ZNF234: variants seen among roughly 807,000 people sequenced by gnomAD.
The protein encoded by ZNF234 is zinc finger protein 234.
Under a neutral mutation model 10.3 loss-of-function variants are expected in ZNF234, and 4 were observed. The observed-to-expected ratio is 0.39, with a 90% confidence interval of 0.19 to 0.89. The LOEUF is 0.89. Among genes scored for constraint, ZNF234 ranks in the 40% least tolerant of loss-of-function variants. ZNF234 has a pLI of 0.38. For synonymous variants in ZNF234, 258 were observed against 280.1 expected, an observed-to-expected ratio of 0.92 and a Z score of 0.79; for missense variants, 711 against 836.1, an observed-to-expected ratio of 0.85 and a Z score of 1.85.
chr19:44,157,603 C>A lies in ZNF234; in HGVS notation c.1587C>A (p.Thr529=), dbSNP rs752937389. Residue 529 remains threonine (T), a synonymous_variant, in exon 6 of 6, where the codon ACC becomes ACA. Transcript: ENST00000426739. The part of the protein sequence containing the change: ...KVFSQASHLL[T]HQRVHSGEKP... ...TCAGTCAGGCCTCGCATCTTCTAACCCATCAGAGAGTTCACAGTGGGGAAA... is the reference window on the plus strand; with the variant it reads ...TCAGTCAGGCCTCGCATCTTCTAACACATCAGAGAGTTCACAGTGGGGAAA... 3 of 1,609,804 alleles carry A rather than the reference C, an allele frequency of 1.9e-6. No individual in the cohort carries two copies. In the South Asian group the frequency reaches 3.3e-5, roughly 18 times the overall value.
At chr19:44,147,468 G>A (rs967044258) in intron 3 of ZNF234, among the ~76,000 whole-genome samples, 2 of 151,840 alleles carry the variant, frequency 1.3e-5, no homozygotes, top group African/African-American at 4.8e-5. Flanking sequence ...GAACTCCTGG[G>A]CTCAAGCAAT....
At chr19:44,151,625 C>A (rs997944073) in intron 5 of ZNF234, among the ~76,000 whole-genome samples, 1 of 151,540 alleles carries the variant, frequency 6.6e-6, no homozygotes, top group African/African-American at 2.4e-5. Context: ...TGAAATCAAG[C>A]TGTCAGCCCG....
In ZNF234 at chr19:44,157,433, A is replaced by T; in HGVS notation, c.1417A>T (p.Ile473Phe). ...CTTCAATCAGAGCTCACGACTTCAG[A>T]TTCACCAGCTGATCCATACCGGTGA... ...QGFNQSSRLQ[I>F]HQLIHTGEKP... The change falls in exon 6 of 6, where the codon ATT becomes TTT. Residue 473 changes from isoleucine to phenylalanine, a missense_variant. By Grantham distance (21) the Ile-to-Phe change is conservative. Coordinates refer to ENST00000426739, the MANE Select transcript of ZNF234 (RefSeq NM_006630.3). 6.2e-7 allele frequency: 1 copy of T among 1,613,940 alleles called. No individual in the cohort carries two copies. Among genetic ancestry groups the T allele is most frequent in the Non-Finnish European group, 8.5e-7 (1 of 1,179,862 alleles).
chr19:44,157,072 C>T lies in ZNF234; in HGVS notation c.1056C>T (p.Cys352=). The T allele has an allele frequency of 6.2e-7, 1 of 1,614,112 alleles. No homozygotes were observed. The highest frequency in any genetic ancestry group is 8.5e-7 in the Non-Finnish European group (1 of 1,180,018). Residue 352 remains cysteine, a synonymous_variant, in exon 6 of 6, where the codon TGC becomes TGT. Transcript: ENST00000426739. ...ACAAGTGTGAAGAATGTGGTAAGTG[C>T]TTTATTCAGCCTTCACAATTTCAGG... is the stretch of plus-strand genomic sequence containing the variant. ...KPYKCEECGK[C]FIQPSQFQAH...
chr19:44,155,870 G>C (rs982183501), intron 5 of ZNF234, among the ~76,000 whole-genome samples: 1 of 151,902 alleles, frequency 6.6e-6, no homozygotes, highest in East Asian at 1.9e-4. Context: ...CAGAATGCTG[G>C]GATATACAGG....
At chr19:44,144,739 A>G in intron 3 of ZNF234, 92 bp downstream of exon 3, 1 of 1,226,566 alleles carries the variant, frequency 8.2e-7, no homozygotes, top group East Asian at 2.5e-5. Context: ...GCATTTGAGA[A>G]CCTGTTTATG....
chr19:44,148,792 G>A lies in ZNF234; in HGVS notation c.37G>A (p.Val13Met), dbSNP rs761213944. The A allele has an allele frequency of 8.7e-6, 14 of 1,613,956 alleles. No homozygotes were observed. The highest frequency in any genetic ancestry group is 1.7e-4 in the Middle Eastern group (1 of 6,054). Residue 13 changes from valine to methionine, a missense_variant, in exon 4 of 6, where the codon GTG (valine) becomes ATG (methionine). Val to Met is a conservative substitution (Grantham distance 21). Transcript: ENST00000426739. ...ATAGGAGGGACTGACCTTCAAGGAT[G>A]TGGCTGTGGTCTTCACTGAGGAGGA... The part of the protein sequence containing the change: ...TFKEGLTFKD[V>M]AVVFTEEELG...
intron 2 of ZNF234, among the ~76,000 whole-genome samples, chr19:44,143,219 C>T (rs577494124): frequency 6.7e-6 from 1 of 149,500 alleles, no homozygotes; most frequent in East Asian, 1.9e-4. Context: ...CTGAGGCACT[C>T]AGGGTCACAG....
chr19:44,155,453 A>G (rs1387029512), intron 5 of ZNF234, among the ~76,000 whole-genome samples: 1 of 152,238 alleles, frequency 6.6e-6, no homozygotes, highest in Non-Finnish European at 1.5e-5. Flanking sequence ...CTTACAATAA[A>G]GGAAGAATTC....
Position 44,158,078 on chromosome 19 carries a change from A to C in ZNF234, c.2062A>C (p.Asn688His), listed in dbSNP as rs1251105220. ...TTATGAAAATGATGAGAATAGTAAG[A>C]ACATCAGAGAGTTGTCAGAGGGAGG... is the stretch of plus-strand genomic sequence containing the variant. The part of the protein sequence containing the change: ...TFYENDENSK[N>H]IRELSEGGSS... The change falls in exon 6 of 6, where the codon AAC becomes CAC. Residue 688 changes from asparagine (N) to histidine (H), a missense_variant. Asn to His is a moderately conservative substitution (Grantham distance 68). Coordinates refer to ENST00000426739, the MANE Select transcript of ZNF234 (RefSeq NM_006630.3). The C allele has an allele frequency of 6.2e-7, 1 of 1,612,034 alleles. No homozygotes were observed. Among genetic ancestry groups the C allele is most frequent in the East Asian group, 2.2e-5 (1 of 44,862 alleles).
chr19:44,148,996 C>T (rs1353469268), intron 4 of ZNF234, 99 bp downstream of exon 4: 18 of 1,398,172 alleles, frequency 1.3e-5, no homozygotes, highest in East Asian at 2.3e-5. Flanking sequence ...TAGTCGCCTA[C>T]ATTTGTAGAC....
Position 44,157,311 on chromosome 19 carries a change from T to A in ZNF234, c.1295T>A (p.Val432Glu). The A allele has an allele frequency of 6.2e-7, 1 of 1,613,132 alleles. No homozygotes were observed. Among genetic ancestry groups the A allele is most frequent in the Admixed American group, 1.7e-5 (1 of 59,958 alleles). Reference protein sequence around the residue: ...HTGEKPYKCEVCGKAFRQSSY... With the variant: ...HTGEKPYKCEECGKAFRQSSY... Reference sequence around the variant, plus strand: ...GGGGAAAAACCCTATAAATGTGAAGTATGTGGTAAAGCCTTCCGTCAGAGT... The same window carrying A: ...GGGGAAAAACCCTATAAATGTGAAGAATGTGGTAAAGCCTTCCGTCAGAGT... The change falls in exon 6 of 6, where the codon GTA (valine) becomes GAA (glutamate). Residue 432 changes from valine (V) to glutamate (E), a missense_variant. By Grantham distance (121) the Val-to-Glu change is moderately radical (BLOSUM62 -2). Transcript: ENST00000426739.
chr19:44,148,920 A>C, intron 4 of ZNF234, 23 bp downstream of exon 4: 2 of 1,604,900 alleles, frequency 1.2e-6, no homozygotes, highest in Non-Finnish European at 1.7e-6. Context: ...GCTTTCTAAC[A>C]CTCAATGTCA....
At position 44,148,890 on chromosome 19, in the gene ZNF234, G is replaced by A. The variant is rs754623417; in HGVS notation, c.135G>A (p.Leu45=). Reference sequence around the variant, plus strand: ...TGCTGGAGAACTTCAGGAACCTGCTGTCAGTGGGTGAGGACATGAGCTTTC... The same window carrying A: ...TGCTGGAGAACTTCAGGAACCTGCTATCAGTGGGTGAGGACATGAGCTTTC... ...DVMLENFRNL[L]SVGHHPFKHD... The change falls in exon 4 of 6, where the codon CTG becomes CTA. Residue 45 remains leucine (L), a synonymous_variant. Coordinates refer to ENST00000426739, the MANE Select transcript of ZNF234 (RefSeq NM_006630.3). 3.1e-6 allele frequency: 5 copies of A among 1,613,382 alleles called. No individual in the cohort carries two copies. Among genetic ancestry groups the A allele is most frequent in the Non-Finnish European group, 4.2e-6 (5 of 1,179,580 alleles).
At chr19:44,155,478 AAAGAGAAG>A (rs1968855834) in intron 5 of ZNF234, among the ~76,000 whole-genome samples, 3 of 152,250 alleles carry the variant, frequency 2.0e-5, no homozygotes, top group African/African-American at 4.8e-5. Context: ...TTCTTACAAT[AAAGAGAAG>A]AGAAAATGTT....
chr19:44,156,614 G>T lies in ZNF234; in HGVS notation c.598G>T (p.Gly200Ter), dbSNP rs1476397004. 6.2e-7 allele frequency: 1 copy of T among 1,614,132 alleles called. No individual in the cohort carries two copies. The highest frequency in any genetic ancestry group is 1.1e-5 in the South Asian group (1 of 91,082). Residue 200 changes from glycine to a stop codon, truncating the protein, a stop_gained, in exon 6 of 6, where the codon GGA becomes TGA. Transcript: ENST00000426739. LOFTEE classifies it low-confidence loss of function (END_TRUNC). ...TCATATTCATCAAAGAGTCCACATGGGAGAGAAATGCTATAAGTGTGACGT... is the reference window on the plus strand; with the variant it reads ...TCATATTCATCAAAGAGTCCACATGTGAGAGAAATGCTATAAGTGTGACGT... ...ALHIHQRVHMGEKCYKCDVCG... is the reference protein window; with the variant it reads ...ALHIHQRVHM
At chr19:44,147,396 G>A in intron 3 of ZNF234, among the ~76,000 whole-genome samples, 1 of 151,640 alleles carries the variant, frequency 6.6e-6, no homozygotes, top group East Asian at 2.0e-4. Context: ...GCCACCACAT[G>A]CAGCTAATTT....
rs746857864 is a variant in ZNF234 at position 44,157,098 on chromosome 19, C to T, written c.1082C>T (p.Ala361Val). The change falls in exon 6 of 6, where the codon GCC becomes GTC. Residue 361 changes from alanine to valine, a missense_variant. Physicochemically the swap from Ala to Val is moderately conservative, Grantham distance 64. Coordinates refer to ENST00000426739, the MANE Select transcript of ZNF234 (RefSeq NM_006630.3). ...KCFIQPSQFQAHRRIHTGEKP... is the reference protein window; with the variant it reads ...KCFIQPSQFQVHRRIHTGEKP... ...TTTATTCAGCCTTCACAATTTCAGG[C>T]CCATCGGAGAATCCACACTGGAGAG... The T allele has an allele frequency of 1.9e-5, 31 of 1,613,900 alleles. No individual in the cohort carries two copies. The African/African-American group carries it at 3.5e-4, about 18-fold the overall frequency.
chr19:44,144,591 C>A lies in ZNF234; in HGVS notation c.-42C>A. On this transcript the variant is annotated 5_prime_UTR_variant, in exon 3 of 6. Transcript: ENST00000426739. ...CACGATTCTGCCTTCTCTCAAATGGCATAACTCAGGACTCTGCAAATTCCC... is the reference window on the plus strand; with the variant it reads ...CACGATTCTGCCTTCTCTCAAATGGAATAACTCAGGACTCTGCAAATTCCC... 2 of 1,500,324 alleles carry A rather than the reference C, an allele frequency of 1.3e-6. No individual in the cohort carries two copies. Among genetic ancestry groups the A allele is most frequent in the South Asian group, 1.5e-5 (1 of 68,534 alleles). 92.9% of individuals were successfully genotyped at this position (1,500,324 alleles called of 1,614,324 possible).
Sources: allele counts gnomAD v4.1 joint callset (sites outside exome capture counted in the v4.1 genomes callset), GRCh38; gene constraint gnomAD v4.1.1; transcripts MANE v1.5; gene names NCBI Gene and HGNC (gene_info 2026-07-23, HGNC 2026-07-21).